The following CCNB2 variants were observed in gnomAD, a reference collection of about 807,000 sequenced individuals.
The protein encoded by CCNB2 is G2/mitotic-specific cyclin-B2.
CCNB2 carries 39 observed loss-of-function variants against 51.1 expected under a neutral mutation model. That is an observed-to-expected ratio of 0.76 (90% CI 0.59 to 1.00). The LOEUF (loss-of-function observed/expected upper bound fraction) is 1.00, where lower values mean the gene tolerates loss of function less well. Ranked by LOEUF, CCNB2 falls within the 50% of genes least tolerant of loss-of-function variation. The pLI is 0.00. For synonymous variants in CCNB2, 174 were observed against 165.5 expected (o/e 1.05, Z -0.40); for missense variants, 472 against 470.3 (o/e 1.00, Z -0.03).
At chr15:59,120,114 A>C (rs149001149) in intron 7 of CCNB2, among the ~76,000 whole-genome samples, 1 of 152,170 alleles carries the variant, frequency 6.6e-6, no homozygotes, top group Non-Finnish European at 1.5e-5. Flanking sequence ...AATAACAGCA[A>C]ATTCATAATA....
At chr15:59,110,526 G>T (rs2140286409) in intron 3 of CCNB2, among the ~76,000 whole-genome samples, 1 of 152,304 alleles carries the variant, frequency 6.6e-6, no homozygotes, top group Admixed American at 6.5e-5. Flanking sequence ...TATCTGCAGG[G>T]TTATCACTGT....
rs2079272929 is a variant in CCNB2 at position 59,114,882 on chromosome 15, T to C, written c.597+6T>C. 6.2e-7 allele frequency: 1 copy of C among 1,609,812 alleles called. No individual in the cohort carries two copies. Among genetic ancestry groups the C allele is most frequent in the Non-Finnish European group, 8.5e-7 (1 of 1,176,694 alleles). ...TTATGGATCGATTTTTACAGGTAGG[T>C]GTGGCTTCAGGGACTTCACGCCAGT... On this transcript the variant is annotated splice_donor_region_variant and intron_variant, in intron 5 of 8. Transcript: ENST00000288207.
chr15:59,107,771 C>T, intron 3 of CCNB2, 101 bp downstream of exon 3: 1 of 810,864 alleles, frequency 1.2e-6, no homozygotes, highest in Non-Finnish European at 2.0e-6. Flanking sequence ...AACGAACATT[C>T]ATAGCTGGAG....
Position 59,124,978 on chromosome 15 carries a change from CCTCTT to C in CCNB2, c.*105_*109del, listed in dbSNP as rs1198181616. The C allele has an allele frequency of 6.4e-6, 4 of 622,708 alleles. No homozygotes were observed. The highest frequency in any genetic ancestry group is 5.8e-5 in the African/African-American group (3 of 51,828). 38.6% of individuals were successfully genotyped at this position (622,708 alleles called of 1,614,324 possible). On this transcript the variant is annotated 3_prime_UTR_variant, in exon 9 of 9. Coordinates refer to ENST00000288207, the MANE Select transcript of CCNB2 (RefSeq NM_004701.4). ...TAGTCCTCTGGTCTATCTCATGAAACCTCTTCTCAGACCAGTTTTCTAAACATATA... is the reference window on the plus strand; with the variant it reads ...TAGTCCTCTGGTCTATCTCATGAAACCTCAGACCAGTTTTCTAAACATATA...
chr15:59,109,268 C>G (rs532264111), intron 3 of CCNB2, among the ~76,000 whole-genome samples: 22 of 152,304 alleles, frequency 1.4e-4, no homozygotes, highest in African/African-American at 5.1e-4. Context: ...TCAGGTGATC[C>G]ACCTGCCCCC....
At chr15:59,115,354 G>T (rs112178727) in intron 5 of CCNB2, among the ~76,000 whole-genome samples, 5 of 152,092 alleles carry the variant, frequency 3.3e-5, no homozygotes, top group African/African-American at 1.2e-4. Flanking sequence ...GGCAGTATTT[G>T]TTTTTTTTAA....
At chr15:59,122,189 T>C (rs1260194415) in intron 7 of CCNB2, among the ~76,000 whole-genome samples, 27 of 151,592 alleles carry the variant, frequency 1.8e-4, no homozygotes, top group Admixed American at 1.4e-3. Context: ...AAACGTACTT[T>C]CGCTTTTAGA....
chr15:59,124,993 G>GTTT lies in CCNB2; in HGVS notation c.*118_*120dup. 1.8e-6 allele frequency: 1 copy of GTTT among 551,698 alleles called. No homozygotes were observed. The highest frequency in any genetic ancestry group is 3.1e-6 in the Non-Finnish European group (1 of 320,420). 34.2% of individuals were successfully genotyped at this position (551,698 alleles called of 1,614,324 possible). A position where few individuals can be genotyped will look rare whatever the true frequency, so the allele number is the denominator to read the frequency against. The stretch of plus-strand genomic sequence containing the variant: ...TCTCATGAAACCTCTTCTCAGACCA[G>GTTT]TTTTCTAAACATATATTGAGGAAAA... On this transcript the variant is annotated 3_prime_UTR_variant, in exon 9 of 9. Coordinates refer to ENST00000288207, the MANE Select transcript of CCNB2 (RefSeq NM_004701.4).
chr15:59,122,015 G>A (rs1010500599), intron 7 of CCNB2, among the ~76,000 whole-genome samples: 1 of 149,598 alleles, frequency 6.7e-6, no homozygotes, highest in Non-Finnish European at 1.5e-5. Context: ...CTACTAGGGA[G>A]GTTGAGGTGG....
In CCNB2 at chr15:59,107,393, A is replaced by T; in HGVS notation, c.96A>T (p.Arg32=). 1.2e-6 allele frequency: 2 copies of T among 1,613,856 alleles called. No homozygotes were observed. The highest frequency in any genetic ancestry group is 2.2e-5 in the East Asian group (1 of 44,874). The change falls in exon 2 of 9, where the codon CGA becomes CGT. Residue 32 remains arginine (R), a synonymous_variant. Coordinates refer to ENST00000288207, the MANE Select transcript of CCNB2 (RefSeq NM_004701.4). ...TTAAGAGTCATGTGACTATTAGGCG[A>T]ACTGTTTTAGAAGAAATTGGAAATA... is the stretch of plus-strand genomic sequence containing the variant. ...SKVKSHVTIR[R]TVLEEIGNRV...
intron 7 of CCNB2, among the ~76,000 whole-genome samples, 194 bp downstream of exon 7, chr15:59,117,562 A>G (rs2079284297): frequency 6.6e-6 from 1 of 152,130 alleles, no homozygotes; most frequent in Non-Finnish European, 1.5e-5. Context: ...TTGACTTCCC[A>G]GGCTCAAGTA....
At chr15:59,118,017 C>T (rs536919090) in intron 7 of CCNB2, among the ~76,000 whole-genome samples, 2 of 152,192 alleles carry the variant, frequency 1.3e-5, no homozygotes, top group East Asian at 3.9e-4. Flanking sequence ...TGCATGTGTG[C>T]AGTATAGAGT....
rs767674929 is a variant in CCNB2 at position 59,116,761 on chromosome 15, G to C, written c.669G>C (p.Glu223Asp). 2 of 1,613,584 alleles carry C rather than the reference G, an allele frequency of 1.2e-6. No homozygotes were observed. The highest frequency in any genetic ancestry group is 8.5e-7 in the Non-Finnish European group (1 of 1,180,014). Residue 223 changes from glutamate (E) to aspartate (D), a missense_variant, in exon 6 of 9, where the codon GAG becomes GAC. Transcript: ENST00000288207. Reference sequence around the variant, plus strand: ...CTCTGCTCTTGGCTTCCAAGTATGAGGAGATGTTTTCTCCAAATATTGAAG... The same window carrying C: ...CTCTGCTCTTGGCTTCCAAGTATGACGAGATGTTTTCTCCAAATATTGAAG... ...ITALLLASKY[E>D]EMFSPNIEDF...
At chr15:59,115,897 A>C (rs1168337983) in intron 5 of CCNB2, 1 of 152,032 alleles carries the variant, frequency 6.6e-6, no homozygotes, top group African/African-American at 2.4e-5. Context: ...CGCCCAGCTA[A>C]GTTTTTGATT....
chr15:59,111,858 T>G (rs1357687485), intron 3 of CCNB2, among the ~76,000 whole-genome samples: 2 of 123,294 alleles, frequency 1.6e-5, no homozygotes, highest in Non-Finnish European at 3.2e-5. Flanking sequence ...CTTTCTTTCT[T>G]TTTTTTTTTT....
chr15:59,124,374 C>T (rs1009595118), intron 8 of CCNB2: 2 of 220,232 alleles, frequency 9.1e-6, no homozygotes, highest in Non-Finnish European at 1.8e-5. Context: ...GCACTAGTTG[C>T]CACCCTCTTT....
chr15:59,113,577 T>C (rs2079266667), intron 3 of CCNB2, among the ~76,000 whole-genome samples: 1 of 152,142 alleles, frequency 6.6e-6, no homozygotes, highest in African/African-American at 2.4e-5. Context: ...ATATAAACTA[T>C]AGAATTTAGA....
intron 7 of CCNB2, chr15:59,121,132 A>C (rs2079300205): frequency 6.6e-6 from 1 of 152,232 alleles, no homozygotes; most frequent in Admixed American, 6.5e-5. Context: ...CTTCTGAAAC[A>C]TTTAGCAGGG....
At position 59,124,693 on chromosome 15, in the gene CCNB2, A is replaced by G. The variant is rs1314359182; in HGVS notation, c.1087-74A>G. On this transcript the variant is annotated intron_variant, in intron 8 of 8. Coordinates refer to ENST00000288207, the MANE Select transcript of CCNB2 (RefSeq NM_004701.4). ...TGATTGTAGCCGTGGACCTTTGATA[A>G]TTGTGAGTTAGACTAGGAATAAGGT... The G allele has an allele frequency of 6.9e-6, 7 of 1,013,782 alleles. No homozygotes were observed. The African/African-American group carries it at 9.5e-5, about 14-fold the overall frequency. 62.8% of individuals were successfully genotyped at this position (1,013,782 alleles called of 1,614,324 possible).
Sources: gnomAD v4.1 joint callset for allele counts (sites outside exome capture counted in the v4.1 genomes callset) on GRCh38, gnomAD v4.1.1 for gene constraint, MANE v1.5 for transcripts, NCBI Gene and HGNC (gene_info 2026-07-23, HGNC 2026-07-21) for gene names.